Variants in CHODL observed in about 807,000 individuals in gnomAD.
The protein encoded by CHODL is transmembrane protein MT75.
CHODL carries 29 observed loss-of-function variants against 34.5 expected under a neutral mutation model. That is an observed-to-expected ratio of 0.84 (90% CI 0.63 to 1.15). The LOEUF is 1.15. Ranked by LOEUF, CHODL falls within the 50% of genes most tolerant of loss-of-function variation. The pLI, the probability that CHODL is intolerant of heterozygous loss-of-function variation, is 0.00. For synonymous variants in CHODL, 125 were observed against 116.1 expected (o/e 1.08, Z -0.49); for missense variants, 332 against 332.5 (o/e 1.00, Z 0.01).
chr21:18,002,523 C>G (rs2063916231), intron 1 of CHODL, among the ~76,000 whole-genome samples: 1 of 152,174 alleles, frequency 6.6e-6, no homozygotes, highest in Non-Finnish European at 1.5e-5. Context: ...GATAGCTGCT[C>G]TGAGACATAC....
At chr21:18,003,623 T>C (rs1226196035) in intron 1 of CHODL, among the ~76,000 whole-genome samples, 1 of 152,200 alleles carries the variant, frequency 6.6e-6, no homozygotes, top group African/African-American at 2.4e-5. Flanking sequence ...CTTGTGGAAG[T>C]GCACACACAT....
intron 2 of CHODL, among the ~76,000 whole-genome samples, chr21:18,186,730 T>C (rs2073445453): frequency 6.6e-6 from 1 of 152,292 alleles, no homozygotes; most frequent in Admixed American, 6.5e-5. Context: ...TCATATTAAA[T>C]CCACACAATA....
At chr21:18,049,973 C>T (rs1386737247) in intron 2 of CHODL, among the ~76,000 whole-genome samples, 1 of 151,926 alleles carries the variant, frequency 6.6e-6, no homozygotes, top group African/African-American at 2.4e-5. Context: ...ACCATGGAGG[C>T]AGGGTTTCTG....
At chr21:18,045,228 C>A (rs745747005) in intron 2 of CHODL, among the ~76,000 whole-genome samples, 3 of 151,688 alleles carry the variant, frequency 2.0e-5, no homozygotes, top group Admixed American at 6.6e-5. Context: ...GATAAAATAC[C>A]CTGAGTGTGG....
At chr21:18,178,569 T>A (rs1334003039) in intron 2 of CHODL, among the ~76,000 whole-genome samples, 4 of 152,224 alleles carry the variant, frequency 2.6e-5, no homozygotes, top group Non-Finnish European at 5.9e-5. Context: ...ATCTGTTACA[T>A]GTATTATATA....
chr21:18,104,002 C>T (rs901013427), intron 2 of CHODL, among the ~76,000 whole-genome samples: 2 of 152,138 alleles, frequency 1.3e-5, no homozygotes, highest in Non-Finnish European at 2.9e-5. Flanking sequence ...CACAATGAGA[C>T]AATGTCTGTT....
At chr21:18,022,223 G>C (rs563464408) in intron 1 of CHODL, 1 of 152,080 alleles carries the variant, frequency 6.6e-6, no homozygotes, top group Non-Finnish European at 1.5e-5. Context: ...CAAAGGGTCC[G>C]GGAAAGATTT....
chr21:18,196,355 T>G (rs2073588023), intron 2 of CHODL, among the ~76,000 whole-genome samples: 1 of 152,220 alleles, frequency 6.6e-6, no homozygotes, highest in African/African-American at 2.4e-5. Flanking sequence ...ATAATGTTTC[T>G]AAATCTTAGG....
At chr21:18,230,882 G>C (rs1486574872) in intron 2 of CHODL, among the ~76,000 whole-genome samples, 1 of 151,970 alleles carries the variant, frequency 6.6e-6, no homozygotes, top group African/African-American at 2.4e-5. Context: ...GATTATAAAA[G>C]AAGTAAATAT....
At chr21:18,167,123 T>C (rs2073163448) in intron 2 of CHODL, among the ~76,000 whole-genome samples, 1 of 151,946 alleles carries the variant, frequency 6.6e-6, no homozygotes, top group Admixed American at 6.6e-5. Flanking sequence ...TTAAATATAG[T>C]TGTATACAGG....
intron 1 of CHODL, among the ~76,000 whole-genome samples, chr21:18,021,706 A>C (rs957600943): frequency 6.6e-6 from 1 of 152,174 alleles, no homozygotes; most frequent in Non-Finnish European, 1.5e-5. Flanking sequence ...AAATGTTTAG[A>C]TGTTGTATAG....
intron 2 of CHODL, among the ~76,000 whole-genome samples, chr21:18,193,609 T>A (rs2073540486): frequency 6.6e-6 from 1 of 151,580 alleles, no homozygotes; most frequent in Admixed American, 6.6e-5. Context: ...GGCAGGAGAT[T>A]TGTTTGAACC....
chr21:18,251,001 TTTA>T (rs1304373336), intron 1 of CHODL, among the ~76,000 whole-genome samples: 2 of 151,558 alleles, frequency 1.3e-5, no homozygotes, highest in African/African-American at 4.8e-5. Context: ...TTAGAAAATA[TTTA>T]TTATTTTCAT....
At chr21:18,103,684 C>G (rs2065241365) in intron 2 of CHODL, among the ~76,000 whole-genome samples, 1 of 152,096 alleles carries the variant, frequency 6.6e-6, no homozygotes, top group African/African-American at 2.4e-5. Flanking sequence ...CTGGGCTCAG[C>G]TAGAGCTGTG....
chr21:18,035,894 C>A (rs546865284), intron 2 of CHODL, among the ~76,000 whole-genome samples: 1 of 152,078 alleles, frequency 6.6e-6, no homozygotes, highest in South Asian at 2.1e-4. Flanking sequence ...CAAATCATAG[C>A]ATCTGTGTCA....
At chr21:18,031,945 G>T (rs191729971) in intron 2 of CHODL, among the ~76,000 whole-genome samples, 1 of 152,160 alleles carries the variant, frequency 6.6e-6, no homozygotes, top group East Asian at 1.9e-4. Context: ...CATCACAGTT[G>T]TATCATTTAT....
intron 2 of CHODL, among the ~76,000 whole-genome samples, chr21:18,150,220 T>A (rs2072946820): frequency 6.6e-6 from 1 of 152,152 alleles, no homozygotes; most frequent in Non-Finnish European, 1.5e-5. Context: ...CCAAAGTTCT[T>A]ATTGTACATA....
chr21:18,150,110 T>C (rs2072945639), intron 2 of CHODL, among the ~76,000 whole-genome samples: 3 of 152,114 alleles, frequency 2.0e-5, no homozygotes, highest in South Asian at 2.1e-4. Flanking sequence ...AGGTTATAGG[T>C]AGATTTAAAA....
chr21:18,059,979 C>A lies in CHODL; in HGVS notation c.-45+32008C>A, dbSNP rs375548802. On this transcript the variant is annotated intron_variant, in intron 2 of 6. Coordinates refer to the CHODL transcript ENST00000400127. ...CACATTCCGTTCATTATTCCACTGA[C>A]CCATTATCTTTTACTTTCTTAAGAT... Among the ~76,000 whole-genome samples, 90 of 152,232 alleles carry A rather than the reference C, an allele frequency of 5.9e-4. 1 individual carries two copies. The South Asian group carries it at 0.017, about 28-fold the overall frequency.
Sources: gnomAD v4.1 joint callset for allele counts (sites outside exome capture counted in the v4.1 genomes callset) on GRCh38, gnomAD v4.1.1 for gene constraint, MANE v1.5 for transcripts, NCBI Gene and HGNC (gene_info 2026-07-23, HGNC 2026-07-21) for gene names.